BRINP3: variants seen among roughly 807,000 people sequenced by gnomAD.
BRINP3 encodes BMP/retinoic acid-inducible neural-specific protein 3.
BRINP3 carries 19 observed loss-of-function variants against 71.0 expected under a neutral mutation model. The observed-to-expected ratio is 0.27, with a 90% CI of 0.19 to 0.39. The LOEUF is 0.39. Ranked by LOEUF, BRINP3 falls within the 10% of genes least tolerant of loss-of-function variation. BRINP3 has a pLI of 1.00. For synonymous variants in BRINP3, 380 were observed against 337.7 expected (o/e 1.13, Z -1.37); for missense variants, 959 against 940.8 (o/e 1.02, Z -0.25).
At chr1:190,131,495 C>T (rs1654540536) in intron 7 of BRINP3, among the ~76,000 whole-genome samples, 1 of 152,040 alleles carries the variant, frequency 6.6e-6, no homozygotes, top group Non-Finnish European at 1.5e-5. Flanking sequence ...CTCCCACATT[C>T]TCACACATCC....
At chr1:190,344,563 C>T (rs1166568577) in intron 2 of BRINP3, among the ~76,000 whole-genome samples, 1 of 151,858 alleles carries the variant, frequency 6.6e-6, no homozygotes, top group Non-Finnish European at 1.5e-5. Context: ...TTAATGTCAT[C>T]ATCATGACTT....
chr1:190,185,313 A>G (rs1306815064), intron 6 of BRINP3, among the ~76,000 whole-genome samples: 5 of 152,164 alleles, frequency 3.3e-5, no homozygotes, highest in Non-Finnish European at 5.9e-5. Flanking sequence ...ATTTCTCCAA[A>G]GAAGAAATAC....
chr1:190,326,932 G>A (rs764257344), intron 2 of BRINP3, among the ~76,000 whole-genome samples: 3 of 150,954 alleles, frequency 2.0e-5, no homozygotes, highest in Non-Finnish European at 2.9e-5. Flanking sequence ...TTCACAATAG[G>A]TTCAAAACCT....
intron 2 of BRINP3, among the ~76,000 whole-genome samples, chr1:190,307,043 T>G (rs750746346): frequency 1.8e-4 from 28 of 151,852 alleles, no homozygotes; most frequent in Non-Finnish European, 3.7e-4. Flanking sequence ...CTCTTGAGTG[T>G]CTACTGAGTG....
At chr1:190,379,906 G>A (rs1670431388) in intron 2 of BRINP3, among the ~76,000 whole-genome samples, 1 of 148,602 alleles carries the variant, frequency 6.7e-6, no homozygotes, top group Non-Finnish European at 1.5e-5. Flanking sequence ...GGCTGAGGCA[G>A]GAGAATTGCT....
chr1:190,447,614 C>A (rs1372402544), intron 2 of BRINP3, among the ~76,000 whole-genome samples: 18 of 148,364 alleles, frequency 1.2e-4, no homozygotes, highest in African/African-American at 4.4e-4. Context: ...CTCTCTCTCT[C>A]TCTCTCTCTA....
At chr1:190,421,988 A>G (rs1414287578) in intron 2 of BRINP3, among the ~76,000 whole-genome samples, 3 of 151,862 alleles carry the variant, frequency 2.0e-5, no homozygotes, top group South Asian at 4.1e-4. Context: ...TCTAGCACCC[A>G]TTTCTAAGAA....
intron 6 of BRINP3, among the ~76,000 whole-genome samples, chr1:190,165,456 T>G (rs1409827360): frequency 3.5e-4 from 38 of 107,634 alleles, no homozygotes; most frequent in Non-Finnish European, 5.8e-4. Context: ...TTTTTTTTTT[T>G]TTTTTGTGTG....
rs1426684404 is a variant in BRINP3 at position 190,160,822 on chromosome 1, A to G, written c.1030T>C (p.Leu344=). The G allele has an allele frequency of 6.2e-7, 1 of 1,613,610 alleles. No homozygotes were observed. Among genetic ancestry groups the G allele is most frequent in the Admixed American group, 1.7e-5 (1 of 59,946 alleles). ...TGAAAATTAGAATCCATTGTCCACA[A>G]ATGCATTATAGTAGATGTGTTGAGG... ...YFLNTSTIMH[L]WTMDSNFQRR... is the part of the protein sequence containing the mutation. Residue 344 remains leucine, a synonymous_variant, in exon 7 of 8, where the codon TTG becomes CTG. Transcript: ENST00000367462.
chr1:190,258,116 A>G (rs565142685), intron 4 of BRINP3, among the ~76,000 whole-genome samples: 92 of 152,340 alleles, frequency 6.0e-4, no homozygotes, highest in African/African-American at 2.2e-3. Flanking sequence ...GCAGTAGGCC[A>G]TGCTGAACTG....
At chr1:190,108,198 T>C (rs983303390) in intron 7 of BRINP3, among the ~76,000 whole-genome samples, 2 of 152,152 alleles carry the variant, frequency 1.3e-5, no homozygotes, top group Admixed American at 1.3e-4. Context: ...TGCAAGAGCT[T>C]TATATTAACA....
At chr1:190,358,843 G>T (rs1162549910) in intron 2 of BRINP3, among the ~76,000 whole-genome samples, 1 of 152,120 alleles carries the variant, frequency 6.6e-6, no homozygotes, top group African/African-American at 2.4e-5. Flanking sequence ...AAAAAATGAT[G>T]AGTTCATGTC....
At chr1:190,475,069 A>G (rs1240416441) in intron 1 of BRINP3, among the ~76,000 whole-genome samples, 1 of 152,108 alleles carries the variant, frequency 6.6e-6, no homozygotes, top group Middle Eastern at 3.2e-3. Flanking sequence ...GTTGAAATCT[A>G]ACTCTCTTCC....
intron 6 of BRINP3, among the ~76,000 whole-genome samples, chr1:190,183,263 T>C (rs1283558983): frequency 6.6e-6 from 1 of 152,112 alleles, no homozygotes; most frequent in Non-Finnish European, 1.5e-5. Context: ...GATGTTTTGG[T>C]ATTTCATGTA....
chr1:190,460,663 A>G (rs1676330836), intron 1 of BRINP3, among the ~76,000 whole-genome samples: 1 of 152,216 alleles, frequency 6.6e-6, no homozygotes, highest in Non-Finnish European at 1.5e-5. Context: ...TAGGAAGGCC[A>G]TGTGGAAGGC....
intron 2 of BRINP3, among the ~76,000 whole-genome samples, chr1:190,430,753 CAG>C (rs1176452485): frequency 6.6e-6 from 1 of 152,122 alleles, no homozygotes; most frequent in Non-Finnish European, 1.5e-5. Context: ...ATTTTCTTCT[CAG>C]TGTGAAATGT....
chr1:190,429,821 T>C (rs1673974577), intron 2 of BRINP3, among the ~76,000 whole-genome samples: 1 of 152,070 alleles, frequency 6.6e-6, no homozygotes, highest in Admixed American at 6.6e-5. Flanking sequence ...ACTCCCGACA[T>C]CAAGTCATCT....
At chr1:190,226,403 GTAAA>G (rs1391052656) in intron 5 of BRINP3, 85 bp from the exon 6 acceptor site, 33 of 707,822 alleles carry the variant, frequency 4.7e-5, no homozygotes, top group Non-Finnish European at 6.9e-5. Flanking sequence ...AATCAAAACA[GTAAA>G]TAATTTAGTG....
intron 7 of BRINP3, among the ~76,000 whole-genome samples, chr1:190,108,300 G>A (rs1652362354): frequency 6.6e-6 from 1 of 151,702 alleles, no homozygotes; most frequent in Non-Finnish European, 1.5e-5. Context: ...TAGGTTATAC[G>A]GCCCTTACAA....
Sources: gnomAD v4.1 joint callset for allele counts (sites outside exome capture counted in the v4.1 genomes callset) on GRCh38, gnomAD v4.1.1 for gene constraint, MANE v1.5 for transcripts, NCBI Gene and HGNC (gene_info 2026-07-23, HGNC 2026-07-21) for gene names.